The following RIT2 variants were observed in gnomAD, a reference collection of about 807,000 sequenced individuals.
RIT2 encodes the protein GTP-binding protein Rit2.
In RIT2, 24 loss-of-function variants were observed where a neutral mutation model predicts 23.7. That is an observed-to-expected ratio of 1.01 (90% CI 0.73 to 1.43). The LOEUF (loss-of-function observed/expected upper bound fraction) is 1.43. RIT2 is among the 40% of genes most tolerant of loss of function. RIT2 has a pLI of 0.00. For missense variants in RIT2, 236 were observed against 266.9 expected, an observed-to-expected ratio of 0.88 and a Z score of 0.81; for synonymous variants, 107 against 91.1, an observed-to-expected ratio of 1.17 and a Z score of -0.99.
intron 3 of RIT2, among the ~76,000 whole-genome samples, chr18:42,934,379 T>C (rs1909402720): frequency 1.3e-5 from 2 of 152,176 alleles, no homozygotes; most frequent in Admixed American, 1.3e-4. Flanking sequence ...AATTTTAAAA[T>C]TGCATATTCA....
intron 1 of RIT2, among the ~76,000 whole-genome samples, chr18:43,092,589 T>C (rs939026322): frequency 2.0e-5 from 3 of 152,018 alleles, no homozygotes; most frequent in Non-Finnish European, 4.4e-5. Flanking sequence ...AAAGACATAC[T>C]AAGTCCTTCT....
intron 1 of RIT2, among the ~76,000 whole-genome samples, chr18:43,099,592 G>A (rs1309622214): frequency 6.6e-6 from 1 of 151,948 alleles, no homozygotes; most frequent in Non-Finnish European, 1.5e-5. Flanking sequence ...CTACAGCATA[G>A]GTTCTGTTTC....
chr18:43,077,608 G>A (rs1252926726), intron 1 of RIT2, among the ~76,000 whole-genome samples: 1 of 152,150 alleles, frequency 6.6e-6, no homozygotes, highest in Admixed American at 6.5e-5. Flanking sequence ...AGCACTAACT[G>A]GCTTTACGGC....
At chr18:43,046,619 C>T (rs1269419171) in intron 1 of RIT2, among the ~76,000 whole-genome samples, 1 of 152,150 alleles carries the variant, frequency 6.6e-6, no homozygotes, top group Non-Finnish European at 1.5e-5. Flanking sequence ...ATTTACAGAA[C>T]TGAATCATAC....
At chr18:42,883,370 C>T (rs1258858783) in intron 4 of RIT2, among the ~76,000 whole-genome samples, 1 of 152,170 alleles carries the variant, frequency 6.6e-6, no homozygotes, top group Non-Finnish European at 1.5e-5. Flanking sequence ...TTGTGGTACT[C>T]TGTATTTGTT....
intron 4 of RIT2, among the ~76,000 whole-genome samples, chr18:42,821,253 TATAACAA>T (rs1446515961): frequency 2.0e-5 from 3 of 152,022 alleles, no homozygotes; most frequent in African/African-American, 7.2e-5. Flanking sequence ...CCAGACCCTG[TATAACAA>T]AGAGGATTTG....
chr18:43,046,962 C>G (rs951456049), intron 1 of RIT2, among the ~76,000 whole-genome samples: 2 of 152,078 alleles, frequency 1.3e-5, no homozygotes, highest in Non-Finnish European at 2.9e-5. Context: ...GTGTGATCCT[C>G]AGATCAAAAA....
intron 1 of RIT2, among the ~76,000 whole-genome samples, chr18:43,055,835 G>A (rs1028224315): frequency 3.3e-5 from 5 of 152,066 alleles, no homozygotes; most frequent in Admixed American, 2.0e-4. Context: ...TGTACCACAG[G>A]TCTAGTAGGC....
intron 3 of RIT2, among the ~76,000 whole-genome samples, chr18:42,933,253 T>A (rs1194326366): frequency 6.6e-6 from 1 of 152,170 alleles, no homozygotes; most frequent in Admixed American, 6.5e-5. Flanking sequence ...ATGAGGTACA[T>A]CATCCTAGAT....
At chr18:42,826,554 A>G (rs1041112516) in intron 4 of RIT2, among the ~76,000 whole-genome samples, 2 of 152,138 alleles carry the variant, frequency 1.3e-5, no homozygotes, top group African/African-American at 4.8e-5. Context: ...TAATGTTTAC[A>G]TATTAGAATT....
intron 4 of RIT2, among the ~76,000 whole-genome samples, chr18:42,801,722 A>G (rs192997706): frequency 1.3e-5 from 2 of 152,320 alleles, no homozygotes; most frequent in East Asian, 3.9e-4. Flanking sequence ...ACTAGTACCA[A>G]TTACTGATGA....
intron 3 of RIT2, among the ~76,000 whole-genome samples, chr18:42,950,224 A>G (rs1909817794): frequency 6.6e-6 from 1 of 152,152 alleles, no homozygotes; most frequent in Non-Finnish European, 1.5e-5. Flanking sequence ...CAAATGGAAC[A>G]GGATAGAGAG....
At chr18:42,941,355 C>A (rs912546928) in intron 3 of RIT2, among the ~76,000 whole-genome samples, 72 of 151,998 alleles carry the variant, frequency 4.7e-4, no homozygotes, top group Non-Finnish European at 3.2e-4. Flanking sequence ...GACCGCCCCC[C>A]ACCCCTCTCC....
At chr18:43,054,961 A>G (rs1182078428) in intron 1 of RIT2, among the ~76,000 whole-genome samples, 1 of 152,086 alleles carries the variant, frequency 6.6e-6, no homozygotes, top group Non-Finnish European at 1.5e-5. Flanking sequence ...TTGAGTTTTC[A>G]ATTATAGCTG....
intron 2 of RIT2, among the ~76,000 whole-genome samples, chr18:43,011,444 G>A (rs1356074935): frequency 1.3e-5 from 2 of 151,724 alleles, no homozygotes; most frequent in South Asian, 2.1e-4. Context: ...GAAGCTGTGC[G>A]ATTTTGGGCA....
chr18:42,844,081 C>A (rs2144027778), intron 4 of RIT2, among the ~76,000 whole-genome samples: 1 of 152,278 alleles, frequency 6.6e-6, no homozygotes, highest in Admixed American at 6.5e-5. Flanking sequence ...CCATGCTCAA[C>A]CCCTTGTGAG....
intron 4 of RIT2, among the ~76,000 whole-genome samples, chr18:42,807,892 A>G (rs146423027): frequency 1.3e-5 from 2 of 152,134 alleles, no homozygotes; most frequent in East Asian, 3.9e-4. Context: ...GGTGTAGGTA[A>G]CAGTCAATGC....
intron 3 of RIT2, among the ~76,000 whole-genome samples, chr18:42,959,880 T>C (rs888505568): frequency 6.6e-6 from 1 of 152,218 alleles, no homozygotes; most frequent in African/African-American, 2.4e-5. Flanking sequence ...TGAACAGGCA[T>C]GTGGAGAAGC....
At chr18:43,038,598 T>A (rs149382927) in intron 1 of RIT2, among the ~76,000 whole-genome samples, 1,702 of 152,234 alleles carry the variant, frequency 0.011, 15 homozygotes, top group Non-Finnish European at 0.019. Context: ...TCAGTATATA[T>A]CTTCTTTAAG....
Sources: allele counts gnomAD v4.1 joint callset (sites outside exome capture counted in the v4.1 genomes callset), GRCh38; gene constraint gnomAD v4.1.1; transcripts MANE v1.5; gene names NCBI Gene and HGNC (gene_info 2026-07-23, HGNC 2026-07-21).